CYTH3: variants seen among roughly 807,000 people sequenced by gnomAD.
The protein encoded by CYTH3 is cytohesin-3.
CYTH3 carries 23 observed loss-of-function variants against 55.1 expected under a neutral mutation model. The ratio of observed to expected loss-of-function variants is 0.42; its 90% CI spans 0.30 to 0.59. The LOEUF is 0.59. CYTH3 is among the 20% of genes least tolerant of loss of function. The pLI, the probability that CYTH3 is intolerant of heterozygous loss-of-function variation, is 0.20. For missense variants in CYTH3, 413 were observed against 524.8 expected, an observed-to-expected ratio of 0.79 and a Z score of 2.08; for synonymous variants, 249 against 194.9, an observed-to-expected ratio of 1.28 and a Z score of -2.31.
intron 1 of CYTH3, among the ~76,000 whole-genome samples, chr7:6,239,321 C>T (rs570361625): frequency 2.9e-4 from 44 of 152,268 alleles, no homozygotes; most frequent in South Asian, 4.1e-4. Context: ...CTAGTCTCTG[C>T]CCACCACTGC....
chr7:6,246,109 C>G (rs112360292), intron 1 of CYTH3, among the ~76,000 whole-genome samples: 123 of 151,908 alleles, frequency 8.1e-4, no homozygotes, highest in African/African-American at 2.8e-3. Context: ...TTGAGACAGT[C>G]TTGCTCTGTC....
chr7:6,271,887 A>C (rs10270609), intron 1 of CYTH3, among the ~76,000 whole-genome samples: 34,073 of 151,924 alleles, frequency 0.22, 7,328 homozygotes, highest in African/African-American at 0.57. Flanking sequence ...TCTACCCTGA[A>C]CTGAACTCCA....
At chr7:6,187,442 C>T (rs1369192818) in intron 3 of CYTH3, among the ~76,000 whole-genome samples, 1 of 152,310 alleles carries the variant, frequency 6.6e-6, no homozygotes, top group South Asian at 2.1e-4. Flanking sequence ...CCTATAAAGG[C>T]AGATGATGAC....
chr7:6,202,312 G>A (rs1456862037), intron 1 of CYTH3, among the ~76,000 whole-genome samples: 4 of 152,186 alleles, frequency 2.6e-5, no homozygotes, highest in Admixed American at 6.5e-5. Context: ...CCAGACGAAC[G>A]CGTAAGTGAA....
intron 1 of CYTH3, among the ~76,000 whole-genome samples, chr7:6,192,106 T>C (rs767622394): frequency 6.6e-6 from 1 of 152,124 alleles, no homozygotes. Context: ...AAAAAAAAAT[T>C]AATAAATAAA....
chr7:6,216,956 A>T (rs1784442296), intron 1 of CYTH3, among the ~76,000 whole-genome samples: 1 of 150,612 alleles, frequency 6.6e-6, no homozygotes, highest in Non-Finnish European at 1.5e-5. Context: ...TCTATCACCC[A>T]GGCTGGAGTG....
chr7:6,198,976 A>G (rs1784001091), intron 1 of CYTH3, among the ~76,000 whole-genome samples: 1 of 152,242 alleles, frequency 6.6e-6, no homozygotes, highest in African/African-American at 2.4e-5. Context: ...ATCAGGCTCT[A>G]AAAGAGAATG....
At chr7:6,251,515 T>G (rs1275407183) in intron 1 of CYTH3, among the ~76,000 whole-genome samples, 1 of 152,042 alleles carries the variant, frequency 6.6e-6, no homozygotes, top group Admixed American at 6.6e-5. Flanking sequence ...AAAATACCGT[T>G]CATGGCGGCG....
At chr7:6,241,074 A>AT (rs1779661140) in intron 1 of CYTH3, among the ~76,000 whole-genome samples, 1 of 152,140 alleles carries the variant, frequency 6.6e-6, no homozygotes, top group Non-Finnish European at 1.5e-5. Flanking sequence ...GTGAGCCGAG[A>AT]TTGTGCCACT....
intron 1 of CYTH3, among the ~76,000 whole-genome samples, chr7:6,209,952 A>AG (rs1784286816): frequency 6.6e-6 from 1 of 152,208 alleles, no homozygotes; most frequent in African/African-American, 2.4e-5. Context: ...CCAGGGGTTC[A>AG]GGGGGACACG....
At chr7:6,188,143 G>A (rs1265837056) in intron 2 of CYTH3, among the ~76,000 whole-genome samples, 1 of 152,006 alleles carries the variant, frequency 6.6e-6, no homozygotes, top group East Asian at 1.9e-4. Context: ...CCTGGGCAAT[G>A]TAGCAAGGCC....
chr7:6,178,557 T>C (rs970097748), intron 4 of CYTH3, among the ~76,000 whole-genome samples: 9 of 152,242 alleles, frequency 5.9e-5, no homozygotes, highest in Admixed American at 1.3e-4. Flanking sequence ...TGAACACTTA[T>C]GTGATGACCA....
At chr7:6,222,526 C>G (rs1456775386) in intron 1 of CYTH3, among the ~76,000 whole-genome samples, 1 of 152,058 alleles carries the variant, frequency 6.6e-6, no homozygotes, top group Non-Finnish European at 1.5e-5. Flanking sequence ...ATGGGTGGAT[C>G]ACAAGTTCAG....
chr7:6,211,153 A>G lies in CYTH3; in HGVS notation c.35-20622T>C, dbSNP rs926114850. Among the ~76,000 whole-genome samples the G allele has an allele frequency of 1.1e-4, 17 of 152,236 alleles. No individual in the cohort carries two copies. In the East Asian group the frequency reaches 1.9e-3, roughly 17 times the overall value. ...CGACCCCATCTGCCACTGGGGCACC[A>G]TCCCCTCCTGTGAACCACTCTCCTG... On this transcript the variant is annotated intron_variant, in intron 1 of 12. Transcript: ENST00000350796.
chr7:6,186,567 G>A (rs111620996), intron 4 of CYTH3, among the ~76,000 whole-genome samples: 3,982 of 152,252 alleles, frequency 0.026, 78 homozygotes, highest in Middle Eastern at 0.068. Flanking sequence ...ACAGACACCT[G>A]CTTTTTAAGG....
In CYTH3 at chr7:6,162,396, A is replaced by C. The variant is rs1782859663; in HGVS notation, c.*2548T>G. 1 of 152,294 alleles carries C rather than the reference A, an allele frequency of 6.6e-6. No individual in the cohort carries two copies. The highest frequency in any genetic ancestry group is 2.4e-5 in the African/African-American group (1 of 41,464). The allele number at this position is 152,294 out of a possible 1,614,324, so 9.4% of individuals were successfully genotyped here. On this transcript the variant is annotated 3_prime_UTR_variant, in exon 13 of 13. Coordinates refer to ENST00000350796, the MANE Select transcript of CYTH3 (RefSeq NM_004227.4). ...TCTTTGGCCAGAGTTGGGACTAACA[A>C]TTCAAGCCCTGCGCTCAGACGTCAG... is the stretch of plus-strand genomic sequence containing the variant.
chr7:6,190,656 C>T (rs1783779276), intron 1 of CYTH3, 125 bp from the exon 2 acceptor site: 1 of 689,930 alleles, frequency 1.4e-6, no homozygotes. Context: ...AAGAAATGCT[C>T]CCATTGAGAC....
chr7:6,272,409 C>CGT, intron 1 of CYTH3, 65 bp downstream of exon 1: 1 of 1,212,390 alleles, frequency 8.2e-7, no homozygotes. Context: ...GCCGCGCCCT[C>CGT]GACCCCCAGC....
intron 1 of CYTH3, among the ~76,000 whole-genome samples, chr7:6,193,370 C>G (rs1783848627): frequency 6.7e-6 from 1 of 149,640 alleles, no homozygotes; most frequent in African/African-American, 2.5e-5. Context: ...GAGCAAGACT[C>G]CCGTCTCAAA....
Sources: allele counts gnomAD v4.1 joint callset (sites outside exome capture counted in the v4.1 genomes callset), GRCh38; gene constraint gnomAD v4.1.1; transcripts MANE v1.5; gene names NCBI Gene and HGNC (gene_info 2026-07-23, HGNC 2026-07-21).